Variants in LIMCH1 observed in about 807,000 individuals in gnomAD.
LIMCH1 encodes LIM and calponin homology domains-containing protein 1.
A neutral mutation model predicts 176.5 loss-of-function variants in LIMCH1; 113 were observed. The observed-to-expected ratio is 0.64, with a 90% CI of 0.55 to 0.75. LIMCH1 has a LOEUF of 0.75. LIMCH1 is among the 30% of genes least tolerant of loss of function. The pLI is 0.00. For missense variants in LIMCH1, 1,674 were observed against 1,814.9 expected, an observed-to-expected ratio of 0.92 and a Z score of 1.41; for synonymous variants, 619 against 645.9, an observed-to-expected ratio of 0.96 and a Z score of 0.63.
chr4:41,402,419 G>C (rs546746514), intron 1 of LIMCH1, among the ~76,000 whole-genome samples: 183 of 149,380 alleles, frequency 1.2e-3, no homozygotes, highest in African/African-American at 3.7e-3. Flanking sequence ...TCAGTGTGGC[G>C]ATTCCTCAGG....
chr4:41,589,948 T>G (rs28397974), intron 1 of LIMCH1, among the ~76,000 whole-genome samples: 13,069 of 152,064 alleles, frequency 0.086, 1,819 homozygotes, highest in African/African-American at 0.3. Context: ...AATCTCAATG[T>G]CTAAAAACCA....
chr4:41,623,102 T>A (rs1315041845), intron 7 of LIMCH1, among the ~76,000 whole-genome samples: 4 of 152,238 alleles, frequency 2.6e-5, no homozygotes, highest in Admixed American at 2.6e-4. Context: ...ATTCTAAGTT[T>A]ATCCACATTT....
rs2094667619 is a variant in LIMCH1, at chr4:41,662,678, T to C, written c.3128-143T>C. On this transcript the variant is annotated intron_variant, in intron 19 of 31. Transcript: ENST00000503057. ...TTCCAGCATCTTAGGCTCTTTTATA[T>C]CTCTGAGCACACTGTCATTCAGCTT... 3.6e-6 allele frequency: 3 copies of C among 841,618 alleles called. No individual in the cohort carries two copies. The South Asian group carries it at 5.5e-5, about 15-fold the overall frequency. 52.1% of individuals were successfully genotyped at this position (841,618 alleles called of 1,614,324 possible).
intron 4 of LIMCH1, chr4:41,612,776 T>C: frequency 1.2e-6 from 1 of 809,654 alleles, no homozygotes; most frequent in Non-Finnish European, 1.9e-6. Context: ...CGCCAAGAGC[T>C]GGCTGAGAGC....
intron 1 of LIMCH1, among the ~76,000 whole-genome samples, chr4:41,371,203 T>C (rs1181430872): frequency 6.6e-6 from 1 of 152,212 alleles, no homozygotes; most frequent in Non-Finnish European, 1.5e-5. Flanking sequence ...CTTCATTCCC[T>C]TAATGGTTCA....
At chr4:41,647,310 C>A (rs1161804218) in intron 17 of LIMCH1, among the ~76,000 whole-genome samples, 1 of 152,150 alleles carries the variant, frequency 6.6e-6, no homozygotes, top group African/African-American at 2.4e-5. Flanking sequence ...ATGCAGCTAC[C>A]TCTCTTTTAG....
At chr4:41,388,646 G>A (rs948713143) in intron 1 of LIMCH1, among the ~76,000 whole-genome samples, 1 of 127,636 alleles carries the variant, frequency 7.8e-6, no homozygotes, top group African/African-American at 3.6e-5. Context: ...CATCCATTAA[G>A]CTTTTTTGTT....
intron 1 of LIMCH1, among the ~76,000 whole-genome samples, chr4:41,573,217 GA>G (rs1407364208): frequency 6.6e-6 from 1 of 152,062 alleles, no homozygotes; most frequent in Non-Finnish European, 1.5e-5. Flanking sequence ...GCTGTCACTG[GA>G]AAAAACCAAT....
chr4:41,513,821 A>G (rs1187231448), intron 2 of LIMCH1, among the ~76,000 whole-genome samples: 1 of 151,544 alleles, frequency 6.6e-6, no homozygotes, highest in Non-Finnish European at 1.5e-5. Flanking sequence ...CCTGGTCAAC[A>G]TGGCAAAACC....
intron 1 of LIMCH1, among the ~76,000 whole-genome samples, chr4:41,560,144 G>A (rs2081878725): frequency 6.6e-6 from 1 of 152,120 alleles, no homozygotes. Flanking sequence ...TTTATTGGCA[G>A]CACAATTCTT....
intron 21 of LIMCH1, 44 bp from the exon 22 acceptor site, chr4:41,671,510 A>G (rs2095030847): frequency 6.6e-7 from 1 of 1,521,732 alleles, no homozygotes. Flanking sequence ...ATTAGAAAAT[A>G]CTCACATTCA....
chr4:41,664,018 C>T (rs1336627593), intron 20 of LIMCH1, among the ~76,000 whole-genome samples: 10 of 152,084 alleles, frequency 6.6e-5, no homozygotes, highest in East Asian at 5.8e-4. Flanking sequence ...CTAACCTGGG[C>T]GACACAGCTA....
intron 1 of LIMCH1, among the ~76,000 whole-genome samples, chr4:41,492,675 C>G (rs934267089): frequency 1.3e-5 from 2 of 152,172 alleles, no homozygotes; most frequent in African/African-American, 4.8e-5. Context: ...ATTGATTTTT[C>G]TCTCTACTTG....
rs143583255 is a variant in LIMCH1 at position 41,451,277 on chromosome 4, G to A, written c.97-43259G>A. Among the ~76,000 whole-genome samples the A allele has an allele frequency of 8.6e-3, 1,308 of 151,322 alleles. 22 individuals are homozygous for A. Among genetic ancestry groups the A allele is most frequent in the African/African-American group, 0.03 (1,234 of 41,076 alleles). Reference sequence around the variant, plus strand: ...ATTACAGGGATGTGCCACCACGCCTGGCTAATTTTTTTTTTTTTTTGTATT... The same window carrying A: ...ATTACAGGGATGTGCCACCACGCCTAGCTAATTTTTTTTTTTTTTTGTATT... On this transcript the variant is annotated intron_variant, in intron 1 of 26. Coordinates refer to the LIMCH1 transcript ENST00000313860.
At chr4:41,610,502 A>G (rs1030917503) in intron 4 of LIMCH1, among the ~76,000 whole-genome samples, 2 of 152,234 alleles carry the variant, frequency 1.3e-5, no homozygotes, top group East Asian at 1.9e-4. Flanking sequence ...TGATTTGTAT[A>G]TATTGAAATT....
At chr4:41,570,131 C>T (rs1043013802) in intron 1 of LIMCH1, among the ~76,000 whole-genome samples, 2 of 152,182 alleles carry the variant, frequency 1.3e-5, no homozygotes, top group Admixed American at 6.5e-5. Flanking sequence ...AGAACGGTAT[C>T]CTTGGCAATG....
At chr4:41,536,436 C>T (rs2077957821), upstream of LIMCH1, among the ~76,000 whole-genome samples, 1 of 152,140 alleles carries the variant, frequency 6.6e-6, no homozygotes, top group African/African-American at 2.4e-5. Flanking sequence ...CTCTGTCGCT[C>T]TGTCCACAGT....
intron 22 of LIMCH1, among the ~76,000 whole-genome samples, chr4:41,672,822 C>T (rs2095095712): frequency 6.6e-6 from 1 of 152,218 alleles, no homozygotes; most frequent in South Asian, 2.1e-4. Flanking sequence ...ATAATCACTA[C>T]TGTGCCTTTG....
chr4:41,392,856 C>A (rs1191984138), intron 1 of LIMCH1, among the ~76,000 whole-genome samples: 1 of 152,022 alleles, frequency 6.6e-6, no homozygotes, highest in East Asian at 1.9e-4. Context: ...CATGGTGAAA[C>A]CCCGTCTCTA....
Sources: gnomAD v4.1 joint callset for allele counts (sites outside exome capture counted in the v4.1 genomes callset) on GRCh38, gnomAD v4.1.1 for gene constraint, MANE v1.5 for transcripts, NCBI Gene and HGNC (gene_info 2026-07-23, HGNC 2026-07-21) for gene names.